ATF7: variants seen among roughly 807,000 people sequenced by gnomAD.
ATF7 encodes cyclic AMP-dependent transcription factor ATF-7.
A neutral mutation model predicts 50.4 loss-of-function variants in ATF7; 10 were observed. That is an observed-to-expected ratio of 0.20 (90% CI 0.12 to 0.34). The LOEUF (loss-of-function observed/expected upper bound fraction) is 0.34, where lower values mean the gene tolerates loss of function less well. Among genes scored for constraint, ATF7 ranks in the 10% least tolerant of loss-of-function variants. The pLI is 1.00. For synonymous variants in ATF7, 201 were observed against 226.4 expected (o/e 0.89, Z 1.01); for missense variants, 465 against 613.9 (o/e 0.76, Z 2.56).
intron 3 of ATF7, among the ~76,000 whole-genome samples, chr12:53,550,709 G>T (rs1565944817): frequency 1.3e-5 from 2 of 152,228 alleles, no homozygotes; most frequent in Non-Finnish European, 2.9e-5. Context: ...AGGCAGCCAA[G>T]TAAGTGTTCA....
rs1206261509 is a variant in ATF7 at position 53,515,225 on chromosome 12, T to G, written c.*1912A>C. On this transcript the variant is annotated 3_prime_UTR_variant, in exon 12 of 12. Coordinates refer to ENST00000420353, the MANE Select transcript of ATF7 (RefSeq NM_006856.3). ...AGCAGGAGGGGAAATTTAAAACAAATGCAGCAGAACCTGTTACCTGACTGG... is the reference window on the plus strand; with the variant it reads ...AGCAGGAGGGGAAATTTAAAACAAAGGCAGCAGAACCTGTTACCTGACTGG... 1 of 152,188 alleles carries G rather than the reference T, an allele frequency of 6.6e-6. No homozygotes were observed. Among genetic ancestry groups the G allele is most frequent in the East Asian group, 1.9e-4 (1 of 5,204 alleles). The allele number at this position is 152,188 out of a possible 1,614,324, so 9.4% of individuals were successfully genotyped here. A position where few individuals can be genotyped will look rare whatever the true frequency, so the allele number is the denominator to read the frequency against.
At chr12:53,564,520 C>T (rs1941330488) in intron 2 of ATF7, among the ~76,000 whole-genome samples, 1 of 152,138 alleles carries the variant, frequency 6.6e-6, no homozygotes, top group Non-Finnish European at 1.5e-5. Flanking sequence ...TTTAAGATCT[C>T]AATTATTTGA....
Position 53,563,939 on chromosome 12 carries a change from A to G in ATF7, c.49-11302T>C, listed in dbSNP as rs182426260. On this transcript the variant is annotated intron_variant, in intron 2 of 11. Transcript: ENST00000420353. ...CTTTTTTTGATACCAGATTCCCTTT[A>G]TTACAGAAAGGCACCTAAGACAATT... 1.5e-3 allele frequency among the ~76,000 whole-genome samples: 233 copies of G among 152,288 alleles called. 3 individuals carry two copies. The highest frequency in any genetic ancestry group is 5.2e-3 in the African/African-American group (215 of 41,558).
intron 5 of ATF7, among the ~76,000 whole-genome samples, chr12:53,535,341 A>G (rs906323251): frequency 6.6e-6 from 1 of 151,698 alleles, no homozygotes; most frequent in Admixed American, 6.6e-5. Context: ...AAAAAAAAAA[A>G]AAAAGAAAAG....
intron 5 of ATF7, among the ~76,000 whole-genome samples, chr12:53,536,935 A>G (rs1489079533): frequency 6.6e-6 from 1 of 152,144 alleles, no homozygotes; most frequent in African/African-American, 2.4e-5. Context: ...ACATTCTAAC[A>G]TACTTCTTTT....
intron 1 of ATF7, among the ~76,000 whole-genome samples, chr12:53,610,387 A>G (rs1451436456): frequency 6.6e-6 from 1 of 151,878 alleles, no homozygotes; most frequent in Non-Finnish European, 1.5e-5. Context: ...TAACATGGTG[A>G]AACCCTATCT....
chr12:53,616,275 T>C (rs1249953562), intron 1 of ATF7, among the ~76,000 whole-genome samples: 1 of 152,098 alleles, frequency 6.6e-6, no homozygotes, highest in African/African-American at 2.4e-5. Context: ...CAGGCTAGAG[T>C]GCAGTGGCGT....
intron 2 of ATF7, among the ~76,000 whole-genome samples, chr12:53,580,938 C>T (rs1942393805): frequency 1.3e-5 from 2 of 151,284 alleles, no homozygotes; most frequent in Non-Finnish European, 2.9e-5. Flanking sequence ...ATGGTGAAAC[C>T]CTGTCTCTAC....
chr12:53,525,244 T>G (rs527799274), intron 9 of ATF7, among the ~76,000 whole-genome samples: 141 of 152,266 alleles, frequency 9.3e-4, no homozygotes, highest in African/African-American at 3.3e-3. Context: ...TCCCAGCTAC[T>G]TGGGAGGCTG....
At position 53,552,718 on chromosome 12, in the gene ATF7, C is replaced by T. The variant is rs79855707; in HGVS notation, c.49-81G>A. The T allele has an allele frequency of 4.7e-6, 5 of 1,060,034 alleles. No homozygotes were observed. The East Asian group carries it at 9.9e-5, about 21-fold the overall frequency. 65.7% of individuals were successfully genotyped at this position (1,060,034 alleles called of 1,614,324 possible). ...TGCCCTTTTAAAATGTCCTACCAAACATCTTGCAATGAGATTGGTCCCTGG... is the reference window on the plus strand; with the variant it reads ...TGCCCTTTTAAAATGTCCTACCAAATATCTTGCAATGAGATTGGTCCCTGG... On this transcript the variant is annotated intron_variant, in intron 2 of 11. Coordinates refer to ENST00000420353, the MANE Select transcript of ATF7 (RefSeq NM_006856.3).
intron 2 of ATF7, among the ~76,000 whole-genome samples, chr12:53,599,769 CAGTA>C (rs1022530173): frequency 2.0e-5 from 3 of 152,050 alleles, no homozygotes; most frequent in Non-Finnish European, 2.9e-5. Context: ...CACACACCAC[CAGTA>C]AGTGTCAGTG....
intron 1 of ATF7, among the ~76,000 whole-genome samples, chr12:53,621,909 G>C (rs1250579145): frequency 6.6e-6 from 1 of 151,650 alleles, no homozygotes; most frequent in Non-Finnish European, 1.5e-5. Context: ...GTATTTATTA[G>C]ATTATATCTG....
chr12:53,543,349 G>A lies in ATF7; in HGVS notation c.245C>T (p.Ala82Val), dbSNP rs1202645721. Residue 82 changes from alanine to valine, a missense_variant, in exon 4 of 12, where the codon GCA becomes GTA. Transcript: ENST00000420353. ...SSFEHEFKKA[A>V]DEDEKKAAAG... Reference sequence around the variant, plus strand: ...TCTTGCCTTTTTCTCATCCTCATCTGCAGCTTTCTTGAATTCATGTTCAAA... The same window carrying A: ...TCTTGCCTTTTTCTCATCCTCATCTACAGCTTTCTTGAATTCATGTTCAAA... The A allele has an allele frequency of 6.3e-7, 1 of 1,592,654 alleles. No individual in the cohort carries two copies. The highest frequency in any genetic ancestry group is 1.8e-5 in the Admixed American group (1 of 56,678).
intron 11 of ATF7, among the ~76,000 whole-genome samples, chr12:53,522,251 T>C (rs934973415): frequency 1.3e-5 from 2 of 152,198 alleles, no homozygotes; most frequent in African/African-American, 2.4e-5. Context: ...CAAGACAGTA[T>C]CTTTGGAATA....
intron 2 of ATF7, among the ~76,000 whole-genome samples, chr12:53,576,882 C>A (rs1352072392): frequency 6.6e-6 from 1 of 151,954 alleles, no homozygotes; most frequent in Non-Finnish European, 1.5e-5. Flanking sequence ...TGGTGAAACC[C>A]CCGTCTCTAC....
intron 2 of ATF7, among the ~76,000 whole-genome samples, chr12:53,597,808 CAAA>C (rs370329144): frequency 7.4e-5 from 6 of 80,796 alleles, no homozygotes; most frequent in Non-Finnish European, 5.4e-5. Flanking sequence ...AACTCTGTCT[CAAA>C]AAAAAAAAAA....
chr12:53,575,407 T>TAAAAAAAAAAAAAAAAAAA (rs554041037), intron 2 of ATF7, among the ~76,000 whole-genome samples: 1 of 121,792 alleles, frequency 8.2e-6, no homozygotes, highest in African/African-American at 3.1e-5. Context: ...AACTCTGTCT[T>TAAAAAAAAAAAAAAAAAAA]AAAAAAAAAA....
At position 53,594,215 on chromosome 12, in the gene ATF7, A is replaced by G. The variant is rs368364695; in HGVS notation, c.48+6738T>C. On this transcript the variant is annotated intron_variant, in intron 2 of 11. Transcript: ENST00000420353. The stretch of plus-strand genomic sequence containing the variant: ...GAAGGGAGTAGGAAAGAGGCCTTTT[A>G]ACTTAGGAAGAGCTGAGATGCAAAG... Among the ~76,000 whole-genome samples the G allele has an allele frequency of 3.9e-5, 6 of 152,368 alleles. No homozygotes were observed. The South Asian group carries it at 6.2e-4, about 16-fold the overall frequency.
intron 3 of ATF7, among the ~76,000 whole-genome samples, chr12:53,547,910 G>A (rs76871052): frequency 0.021 from 3,210 of 152,162 alleles, 112 homozygotes; most frequent in African/African-American, 0.073. Flanking sequence ...TCACTCTGTC[G>A]TCACCCAGGC....
Sources: allele counts gnomAD v4.1 joint callset (sites outside exome capture counted in the v4.1 genomes callset), GRCh38; gene constraint gnomAD v4.1.1; transcripts MANE v1.5; gene names NCBI Gene and HGNC (gene_info 2026-07-23, HGNC 2026-07-21).